GABRA2: variants seen among roughly 807,000 people sequenced by gnomAD.
GABRA2 encodes gamma-aminobutyric acid receptor subunit alpha-2.
A neutral mutation model predicts 48.7 loss-of-function variants in GABRA2; 16 were observed. That is an observed-to-expected ratio of 0.33 (90% CI 0.22 to 0.50). The LOEUF (loss-of-function observed/expected upper bound fraction) is 0.50, where lower values mean the gene tolerates loss of function less well. Among genes scored for constraint, GABRA2 ranks in the 20% least tolerant of loss-of-function variants. The pLI, the probability that GABRA2 is intolerant of heterozygous loss-of-function variation, is 0.98. For synonymous variants in GABRA2, 185 were observed against 184.5 expected (o/e 1.00, Z -0.02); for missense variants, 275 against 535.6 (o/e 0.51, Z 4.80).
chr4:46,295,921 CA>C (rs1372342057), intron 8 of GABRA2, among the ~76,000 whole-genome samples: 1 of 152,188 alleles, frequency 6.6e-6, no homozygotes, highest in African/African-American at 2.4e-5. Context: ...GTATTCCACA[CA>C]GCATTGTCTC....
chr4:46,292,814 A>G (rs1318784598), intron 8 of GABRA2, among the ~76,000 whole-genome samples: 1 of 152,002 alleles, frequency 6.6e-6, no homozygotes, highest in Non-Finnish European at 1.5e-5. Flanking sequence ...TAGAAGACAT[A>G]CCCTTGACCA....
intron 8 of GABRA2, among the ~76,000 whole-genome samples, chr4:46,267,763 C>A (rs1217715313): frequency 6.6e-6 from 1 of 151,980 alleles, no homozygotes; most frequent in Non-Finnish European, 1.5e-5. Context: ...TAATCATTAG[C>A]TATTTTTATT....
At chr4:46,388,985 C>G in intron 1 of GABRA2, 1 of 1,242,966 alleles carries the variant, frequency 8.0e-7, no homozygotes, top group Non-Finnish European at 1.0e-6. Flanking sequence ...TCAGACTTCT[C>G]TCTGCCAGGA....
At chr4:46,377,000 G>A (rs775531634) in intron 3 of GABRA2, among the ~76,000 whole-genome samples, 15 of 152,154 alleles carry the variant, frequency 9.9e-5, no homozygotes, top group Non-Finnish European at 1.9e-4. Flanking sequence ...GCATCCTGAG[G>A]TGCCGGGATT....
At position 46,382,486 on chromosome 4, in the gene GABRA2, A is replaced by T. The variant is rs778882484; in HGVS notation, c.187+3588T>A. Reference sequence around the variant, plus strand: ...TGAGGTTAAAGAAAGAGTGGGGAGAAAAACCTTGCAGGGCCTTGCAGGTCA... The same window carrying T: ...TGAGGTTAAAGAAAGAGTGGGGAGATAAACCTTGCAGGGCCTTGCAGGTCA... On this transcript the variant is annotated intron_variant, in intron 3 of 9. Transcript: ENST00000381620. Among the ~76,000 whole-genome samples the T allele has an allele frequency of 6.6e-5, 10 of 152,162 alleles. No individual in the cohort carries two copies. In the South Asian group the frequency reaches 1.9e-3, roughly 28 times the overall value.
At chr4:46,260,361 A>G (rs1577792180) in intron 9 of GABRA2, among the ~76,000 whole-genome samples, 1 of 151,956 alleles carries the variant, frequency 6.6e-6, no homozygotes, top group South Asian at 2.1e-4. Flanking sequence ...GGATAGACTT[A>G]AATCCACTAT....
At chr4:46,367,377 A>C (rs1328335492) in intron 3 of GABRA2, 2 of 152,126 alleles carry the variant, frequency 1.3e-5, no homozygotes. Flanking sequence ...TGTGCCAAGC[A>C]CTAAGGACAC....
chr4:46,348,036 G>A (rs1033312880), intron 3 of GABRA2, among the ~76,000 whole-genome samples: 1 of 151,922 alleles, frequency 6.6e-6, no homozygotes, highest in Non-Finnish European at 1.5e-5. Flanking sequence ...CTGACAAAGG[G>A]CTAATATCCA....
Position 46,250,376 on chromosome 4 carries a change from C to G in GABRA2, c.1288G>C (p.Gly430Arg). Reference sequence around the variant, plus strand: ...GCCCAGTAAACTAAATTAAAGGTACCAAACAAAACTGGAAAAACTATTCTG... The same window carrying G: ...GCCCAGTAAACTAAATTAAAGGTACGAAACAAAACTGGAAAAACTATTCTG... ...MSRIVFPVLF[G>R]TFNLVYWATY... Residue 430 changes from glycine to arginine, a missense_variant, in exon 10 of 10, where the codon GGT becomes CGT. Coordinates refer to ENST00000381620, the MANE Select transcript of GABRA2 (RefSeq NM_000807.4). 6.2e-7 allele frequency: 1 copy of G among 1,611,474 alleles called. No homozygotes were observed. The highest frequency in any genetic ancestry group is 8.5e-7 in the Non-Finnish European group (1 of 1,178,414).
intron 3 of GABRA2, among the ~76,000 whole-genome samples, chr4:46,385,131 A>T (rs1717277787): frequency 6.7e-6 from 1 of 150,130 alleles, no homozygotes; most frequent in Non-Finnish European, 1.5e-5. Context: ...TATTTTTAAA[A>T]GAATTATTTG....
intron 3 of GABRA2, among the ~76,000 whole-genome samples, chr4:46,372,613 AT>A (rs1715068759): frequency 6.6e-6 from 1 of 152,150 alleles, no homozygotes; most frequent in Non-Finnish European, 1.5e-5. Flanking sequence ...TGTAGATGGA[AT>A]TTCCTATTAC....
At chr4:46,313,564 T>C (rs1179231826) in intron 4 of GABRA2, among the ~76,000 whole-genome samples, 1 of 121,596 alleles carries the variant, frequency 8.2e-6, no homozygotes, top group Non-Finnish European at 1.7e-5. Flanking sequence ...CGTGAAACTC[T>C]GTTTCTCTCT....
Position 46,345,347 on chromosome 4 carries a change from G to C in GABRA2, c.188-12665C>G, listed in dbSNP as rs569699033. Among the ~76,000 whole-genome samples the C allele has an allele frequency of 5.3e-5, 8 of 151,864 alleles. No homozygotes were observed. The South Asian group carries it at 1.7e-3, about 32-fold the overall frequency. On this transcript the variant is annotated intron_variant, in intron 3 of 9. Coordinates refer to ENST00000381620, the MANE Select transcript of GABRA2 (RefSeq NM_000807.4). Reference sequence around the variant, plus strand: ...CCAATTTAGTATCTAGTGTCAGCTCGTTGTCCATATTCCCTTGACAATCAC... The same window carrying C: ...CCAATTTAGTATCTAGTGTCAGCTCCTTGTCCATATTCCCTTGACAATCAC...
At chr4:46,272,728 G>A (rs111963708) in intron 8 of GABRA2, among the ~76,000 whole-genome samples, 1,850 of 151,968 alleles carry the variant, frequency 0.012, 43 homozygotes, top group African/African-American at 0.042. Context: ...CAGGAACATG[G>A]TGAAGCCCAG....
At chr4:46,288,122 CAT>C (rs1337033521) in intron 8 of GABRA2, among the ~76,000 whole-genome samples, 4 of 152,118 alleles carry the variant, frequency 2.6e-5, no homozygotes, top group Admixed American at 6.5e-5. Flanking sequence ...CCTCTCATGA[CAT>C]GTGGGAATTG....
chr4:46,294,686 C>A (rs1233577821), intron 8 of GABRA2, among the ~76,000 whole-genome samples: 3 of 152,162 alleles, frequency 2.0e-5, no homozygotes, highest in Admixed American at 6.5e-5. Context: ...TAGGTGAACC[C>A]CAATGGACAT....
chr4:46,309,304 T>C (rs1349478665), intron 6 of GABRA2, among the ~76,000 whole-genome samples: 1 of 152,104 alleles, frequency 6.6e-6, no homozygotes, highest in Non-Finnish European at 1.5e-5. Context: ...AGGCATACTA[T>C]TCAGCAATAC....
At chr4:46,321,641 A>C (rs1199827989) in intron 4 of GABRA2, among the ~76,000 whole-genome samples, 1 of 152,070 alleles carries the variant, frequency 6.6e-6, no homozygotes, top group Non-Finnish European at 1.5e-5. Flanking sequence ...TCTTTATATC[A>C]GTTGACTTAT....
At chr4:46,291,834 T>C (rs889615010) in intron 8 of GABRA2, among the ~76,000 whole-genome samples, 3 of 151,168 alleles carry the variant, frequency 2.0e-5, no homozygotes, top group Admixed American at 6.6e-5. Flanking sequence ...CTCCTATTAG[T>C]TCTGTCCCTC....
Sources: gnomAD v4.1 joint callset for allele counts (sites outside exome capture counted in the v4.1 genomes callset) on GRCh38, gnomAD v4.1.1 for gene constraint, MANE v1.5 for transcripts, NCBI Gene and HGNC (gene_info 2026-07-23, HGNC 2026-07-21) for gene names.